Variants in CNTN3 observed in about 807,000 individuals in gnomAD.
CNTN3 encodes the protein contactin 3.
In CNTN3, 60 loss-of-function variants were observed where a neutral mutation model predicts 119.1. The observed-to-expected ratio is 0.50, with a 90% CI of 0.41 to 0.62. The LOEUF (loss-of-function observed/expected upper bound fraction) is 0.62. Ranked by LOEUF, CNTN3 falls within the 20% of genes least tolerant of loss-of-function variation. CNTN3 has a pLI of 0.00. For missense variants in CNTN3, 1,101 were observed against 1,242.4 expected (o/e 0.89, Z 1.71); for synonymous variants, 450 against 438.7 (o/e 1.03, Z -0.32).
chr3:74,546,152 T>C (rs1388007020), intron 1 of CNTN3, among the ~76,000 whole-genome samples: 1 of 152,066 alleles, frequency 6.6e-6, no homozygotes, highest in Admixed American at 6.6e-5. Context: ...CCCGCCAGTA[T>C]GCCCGGCTAA....
At chr3:74,398,898 CATA>C (rs1196196016) in intron 5 of CNTN3, among the ~76,000 whole-genome samples, 1 of 152,112 alleles carries the variant, frequency 6.6e-6, no homozygotes, top group Non-Finnish European at 1.5e-5. Context: ...TTAATTGACA[CATA>C]ATAATTGTAC....
chr3:74,352,526 G>A (rs891458442), intron 11 of CNTN3, among the ~76,000 whole-genome samples: 8 of 152,100 alleles, frequency 5.3e-5, no homozygotes, highest in African/African-American at 9.7e-5. Context: ...CACCTTAATC[G>A]TATAGTCTAT....
chr3:74,557,204 C>T (rs1401136937), intron 1 of CNTN3, among the ~76,000 whole-genome samples: 2 of 151,964 alleles, frequency 1.3e-5, no homozygotes, highest in African/African-American at 2.4e-5. Context: ...CTAAGAAACC[C>T]ATGCCTAAAT....
chr3:74,551,239 G>A (rs2107160304), intron 1 of CNTN3, among the ~76,000 whole-genome samples: 1 of 152,258 alleles, frequency 6.6e-6, no homozygotes, highest in East Asian at 1.9e-4. Context: ...CAGGCACAAA[G>A]ACCACTTATC....
intron 1 of CNTN3, among the ~76,000 whole-genome samples, chr3:74,537,119 T>C (rs929399238): frequency 2.0e-5 from 3 of 152,082 alleles, no homozygotes; most frequent in African/African-American, 4.8e-5. Flanking sequence ...GTACAATAGA[T>C]AACATTAATA....
intron 13 of CNTN3, among the ~76,000 whole-genome samples, chr3:74,311,401 A>G (rs1370760054): frequency 6.6e-6 from 1 of 152,214 alleles, no homozygotes. Flanking sequence ...TAAAGTTAGG[A>G]TAAGAAAAAA....
intron 5 of CNTN3, among the ~76,000 whole-genome samples, chr3:74,406,857 G>A (rs1478559511): frequency 6.6e-6 from 1 of 152,068 alleles, no homozygotes; most frequent in Non-Finnish European, 1.5e-5. Context: ...GCTAGAGGAA[G>A]AAACCAATAA....
intron 8 of CNTN3, among the ~76,000 whole-genome samples, chr3:74,368,182 T>C (rs959888315): frequency 1.3e-5 from 2 of 152,080 alleles, no homozygotes; most frequent in African/African-American, 2.4e-5. Context: ...TAATAACAAG[T>C]GTTAATCGTG....
chr3:74,354,696 A>G (rs1703896923), intron 11 of CNTN3, among the ~76,000 whole-genome samples: 1 of 152,112 alleles, frequency 6.6e-6, no homozygotes, highest in Non-Finnish European at 1.5e-5. Context: ...ATTGGACTGT[A>G]TAATACCAAT....
chr3:74,614,441 G>GCCGCCGCCGCCGCCGCCA lies in CNTN3; in HGVS notation c.-132_-131insTGGCGGCGGCGGCGGCGG, dbSNP rs1417935993. ...CCGCCCCGACGGCCCACTCGCCGCC[G>GCCGCCGCCGCCGCCGCCA]CCGCCGCCGCCGCCGCCGCCGCCAC... is the stretch of plus-strand genomic sequence containing the variant. On this transcript the variant is annotated 5_prime_UTR_variant, in exon 1 of 23. Coordinates refer to ENST00000263665, the MANE Select transcript of CNTN3 (RefSeq NM_020872.3). Among the ~76,000 whole-genome samples the GCCGCCGCCGCCGCCGCCA allele has an allele frequency of 7.3e-6, 1 of 136,782 alleles. No homozygotes were observed. The highest frequency in any genetic ancestry group is 2.0e-4 in the East Asian group (1 of 5,022). The allele number at this position is 136,782 out of a possible 152,430, so 89.7% of individuals were successfully genotyped here.
intron 11 of CNTN3, among the ~76,000 whole-genome samples, chr3:74,350,588 A>G (rs1355382600): frequency 6.6e-6 from 1 of 152,190 alleles, no homozygotes. Flanking sequence ...CCAATGGAAA[A>G]TAAATCATTC....
chr3:74,347,551 T>G (rs1163990472), intron 11 of CNTN3, among the ~76,000 whole-genome samples: 1 of 152,186 alleles, frequency 6.6e-6, no homozygotes, highest in Non-Finnish European at 1.5e-5. Context: ...CACAAGGCCT[T>G]TCTTGAAATG....
intron 1 of CNTN3, among the ~76,000 whole-genome samples, chr3:74,538,089 A>C (rs1703791037): frequency 6.6e-6 from 1 of 152,042 alleles, no homozygotes; most frequent in African/African-American, 2.4e-5. Context: ...GCAGGATGAG[A>C]GTTTGCCCAC....
chr3:74,278,112 T>C (rs924740317), intron 20 of CNTN3, among the ~76,000 whole-genome samples: 8 of 151,512 alleles, frequency 5.3e-5, no homozygotes, highest in Admixed American at 2.6e-4. Context: ...CAAGAAATCA[T>C]AGATGGTGCA....
intron 1 of CNTN3, among the ~76,000 whole-genome samples, chr3:74,524,734 G>C (rs1231492456): frequency 6.6e-6 from 1 of 151,794 alleles, no homozygotes; most frequent in Non-Finnish European, 1.5e-5. Context: ...CCAACCAAAA[G>C]GCTCAGCAGA....
At chr3:74,269,207 A>G (rs1252040156) in intron 20 of CNTN3, among the ~76,000 whole-genome samples, 1 of 152,156 alleles carries the variant, frequency 6.6e-6, no homozygotes, top group Non-Finnish European at 1.5e-5. Context: ...AAAATTAAAC[A>G]TCTATTTTAC....
intron 4 of CNTN3, among the ~76,000 whole-genome samples, chr3:74,442,476 A>G (rs1418025825): frequency 6.6e-6 from 1 of 152,142 alleles, no homozygotes; most frequent in Non-Finnish European, 1.5e-5. Flanking sequence ...AAGAAAAATA[A>G]TTATTACCTT....
chr3:74,565,162 C>T (rs548144785), intron 1 of CNTN3, among the ~76,000 whole-genome samples: 4 of 152,280 alleles, frequency 2.6e-5, no homozygotes, highest in South Asian at 4.1e-4. Flanking sequence ...TGGCTTAAAA[C>T]GCCACAAATG....
intron 2 of CNTN3, among the ~76,000 whole-genome samples, chr3:74,506,109 A>T (rs1703254869): frequency 6.6e-6 from 1 of 152,198 alleles, no homozygotes; most frequent in Non-Finnish European, 1.5e-5. Flanking sequence ...CAACCTGCCT[A>T]AGGAAACACA....
Sources: allele counts gnomAD v4.1 joint callset (sites outside exome capture counted in the v4.1 genomes callset), GRCh38; gene constraint gnomAD v4.1.1; transcripts MANE v1.5; gene names NCBI Gene and HGNC (gene_info 2026-07-23, HGNC 2026-07-21).